The following DMD variants were observed in gnomAD, a reference collection of about 807,000 sequenced individuals.
The protein encoded by DMD is mutant dystrophin.
In DMD, 63 loss-of-function variants were observed where a neutral mutation model predicts 330.1. The observed-to-expected ratio is 0.19, with a 90% confidence interval of 0.16 to 0.24. The LOEUF (loss-of-function observed/expected upper bound fraction) is 0.24. Among genes scored for constraint, DMD ranks in the 10% least tolerant of loss-of-function variants. The pLI, the probability that DMD is intolerant of heterozygous loss-of-function variation, is 1.00. For synonymous variants in DMD, 1,223 were observed against 959.8 expected (o/e 1.27, Z -5.07); for missense variants, 3,344 against 2,684.1 (o/e 1.25, Z -5.43).
chrX:31,892,787 C>T (rs1385286829), intron 47 of DMD, among the ~76,000 whole-genome samples: 1 of 111,909 alleles, frequency 8.9e-6, no homozygotes, highest in Non-Finnish European at 1.9e-5. Context: ...TATTATAATC[C>T]TATTAGATCA....
intron 9 of DMD, among the ~76,000 whole-genome samples, chrX:32,668,026 G>C (rs1010172208): frequency 1.8e-5 from 2 of 110,301 alleles, no homozygotes; most frequent in African/African-American, 6.6e-5. Context: ...GCAGGTGCCT[G>C]TAATCCCAGC....
intron 7 of DMD, among the ~76,000 whole-genome samples, chrX:32,727,886 T>C (rs2067075036): frequency 1.8e-5 from 2 of 111,786 alleles, no homozygotes; most frequent in Non-Finnish European, 3.8e-5. Flanking sequence ...TGATCATACT[T>C]TTGTTTTTAA....
chrX:32,026,159 T>C (rs1470801061), intron 44 of DMD, among the ~76,000 whole-genome samples: 1 of 112,125 alleles, frequency 8.9e-6, no homozygotes, highest in Admixed American at 9.5e-5. Flanking sequence ...TAATCTGGAC[T>C]TTATAATTCA....
chrX:31,743,020 C>CA (rs969993419), intron 51 of DMD, among the ~76,000 whole-genome samples: 2 of 110,526 alleles, frequency 1.8e-5, no homozygotes, highest in Non-Finnish European at 3.8e-5. Flanking sequence ...ATAACCCCAT[C>CA]AAAAAAAATG....
At chrX:32,258,993 T>G (rs1184101022) in intron 43 of DMD, among the ~76,000 whole-genome samples, 1 of 111,141 alleles carries the variant, frequency 9.0e-6, no homozygotes, top group Non-Finnish European at 1.9e-5. Flanking sequence ...TGGACTCACA[T>G]GGCATCATAT....
chrX:32,777,276 T>TGGGGGGGGGGGGGGGGGGGGG (rs1373161447), intron 7 of DMD, among the ~76,000 whole-genome samples: 1 of 502 alleles, frequency 2.0e-3, no homozygotes, highest in Non-Finnish European at 2.6e-3. Flanking sequence ...TGGTTTCTGG[T>TGGGGGGGGGGGGGGGGGGGGG]TGGGGGGGGA....
intron 44 of DMD, among the ~76,000 whole-genome samples, chrX:32,093,507 A>G (rs1440473578): frequency 8.9e-6 from 1 of 112,294 alleles, no homozygotes; most frequent in Non-Finnish European, 1.9e-5. Context: ...TTATTAAAAT[A>G]TGTTAATTAT....
At chrX:31,197,166 G>A (rs749650478) in intron 67 of DMD, among the ~76,000 whole-genome samples, 2 of 111,729 alleles carry the variant, frequency 1.8e-5, no homozygotes, top group South Asian at 7.6e-4. Flanking sequence ...TCAGGGGCCA[G>A]GAAGGTTAAG....
chrX:31,340,576 T>C (rs1051140997), intron 61 of DMD, among the ~76,000 whole-genome samples: 7 of 112,444 alleles, frequency 6.2e-5, no homozygotes, highest in Non-Finnish European at 1.1e-4. Context: ...TGCTGTAATT[T>C]TGAAGTCAGC....
intron 59 of DMD, among the ~76,000 whole-genome samples, chrX:31,466,202 T>C (rs1355402857): frequency 2.7e-5 from 3 of 112,533 alleles, no homozygotes; most frequent in Non-Finnish European, 3.7e-5. Context: ...TTTGTCAATT[T>C]TGGCTTTTGT....
chrX:31,354,155 T>C (rs1313151295), intron 60 of DMD, among the ~76,000 whole-genome samples: 1 of 111,875 alleles, frequency 8.9e-6, no homozygotes, highest in African/African-American at 3.2e-5. Context: ...GGTCCTTTTT[T>C]ATATGTTCCA....
intron 34 of DMD, among the ~76,000 whole-genome samples, chrX:32,376,308 C>T (rs1021388538): frequency 3.6e-5 from 4 of 111,389 alleles, no homozygotes; most frequent in African/African-American, 9.8e-5. Flanking sequence ...CTCTTTCTTT[C>T]GGTATCTATT....
intron 78 of DMD, among the ~76,000 whole-genome samples, chrX:31,124,720 G>C (rs1476648915): frequency 1.8e-5 from 2 of 112,064 alleles, no homozygotes; most frequent in Non-Finnish European, 3.8e-5. Flanking sequence ...GGCGCTAACT[G>C]CAACACATTT....
intron 1 of DMD, among the ~76,000 whole-genome samples, chrX:33,280,311 A>G (rs1428432487): frequency 1.8e-5 from 2 of 112,211 alleles, no homozygotes; most frequent in Non-Finnish European, 1.9e-5. Context: ...AATATTTTGC[A>G]TAGCAAAAGT....
chrX:32,510,270 C>A (rs1223536037), intron 18 of DMD, among the ~76,000 whole-genome samples: 2 of 111,876 alleles, frequency 1.8e-5, no homozygotes, highest in Non-Finnish European at 3.8e-5. Context: ...TACAGGCATG[C>A]TGCTGTTACA....
chrX:32,955,212 TG>T (rs2091499799), intron 2 of DMD, among the ~76,000 whole-genome samples: 1 of 111,913 alleles, frequency 8.9e-6, no homozygotes, highest in African/African-American at 3.3e-5. Flanking sequence ...TACTATTTTT[TG>T]ACTTTTTATT....
intron 53 of DMD, among the ~76,000 whole-genome samples, chrX:31,665,097 T>C (rs2081354513): frequency 8.9e-6 from 1 of 111,852 alleles, no homozygotes; most frequent in Admixed American, 9.6e-5. Context: ...GAAAGAGTCA[T>C]CATAAAAATG....
chrX:32,657,079 T>C (rs1390632002), intron 9 of DMD, among the ~76,000 whole-genome samples: 1 of 110,571 alleles, frequency 9.0e-6, no homozygotes, highest in Non-Finnish European at 1.9e-5. Flanking sequence ...CATTTATATC[T>C]TTGGGTATAC....
At chrX:32,477,774 T>C (rs1030308483) in intron 21 of DMD, among the ~76,000 whole-genome samples, 2 of 108,744 alleles carry the variant, frequency 1.8e-5, no homozygotes, top group African/African-American at 6.7e-5. Flanking sequence ...ACTCAGAAAA[T>C]AGGCACTTAA....
Sources: gnomAD v4.1 joint callset for allele counts (sites outside exome capture counted in the v4.1 genomes callset) on GRCh38, gnomAD v4.1.1 for gene constraint, MANE v1.5 for transcripts, NCBI Gene and HGNC (gene_info 2026-07-23, HGNC 2026-07-21) for gene names.